The following CBLB variants were observed in gnomAD, a reference collection of about 807,000 sequenced individuals.
The protein encoded by CBLB is E3 ubiquitin-protein ligase CBL-B.
In CBLB, 31 loss-of-function variants were observed where a neutral mutation model predicts 104.9. That is an observed-to-expected ratio of 0.30 (90% CI 0.22 to 0.40). The LOEUF (loss-of-function observed/expected upper bound fraction) is 0.40. Ranked by LOEUF, CBLB falls within the 10% of genes least tolerant of loss-of-function variation. CBLB has a pLI of 1.00. For synonymous variants in CBLB, 440 were observed against 422.6 expected (o/e 1.04, Z -0.51); for missense variants, 1,062 against 1,214.6 (o/e 0.87, Z 1.87).
intron 9 of CBLB, among the ~76,000 whole-genome samples, chr3:105,726,866 T>G (rs1374938319): frequency 6.6e-6 from 1 of 152,238 alleles, no homozygotes; most frequent in Non-Finnish European, 1.5e-5. Flanking sequence ...ACCATGTCCC[T>G]GCAAAGGACA....
At chr3:105,811,649 TTCCCTA>T (rs1449521796) in intron 3 of CBLB, among the ~76,000 whole-genome samples, 5 of 152,122 alleles carry the variant, frequency 3.3e-5, no homozygotes, top group African/African-American at 1.2e-4. Flanking sequence ...ACAGACAGAT[TTCCCTA>T]GATAAACCCC....
At chr3:105,801,466 T>C (rs2082858248) in intron 3 of CBLB, among the ~76,000 whole-genome samples, 1 of 152,258 alleles carries the variant, frequency 6.6e-6, no homozygotes, top group Non-Finnish European at 1.5e-5. Context: ...AACAAATGGC[T>C]AGTCAAATTA....
At chr3:105,745,787 G>C in intron 6 of CBLB, 130 bp downstream of exon 6, 1 of 764,184 alleles carries the variant, frequency 1.3e-6, no homozygotes. Context: ...GCACCATTTT[G>C]GTCTTTTACC....
intron 3 of CBLB, among the ~76,000 whole-genome samples, chr3:105,791,775 T>C (rs1300946891): frequency 2.0e-5 from 3 of 152,382 alleles, no homozygotes; most frequent in African/African-American, 2.4e-5. Flanking sequence ...TGGGGATATC[T>C]GTAAATAGCA....
intron 10 of CBLB, among the ~76,000 whole-genome samples, chr3:105,710,651 A>G (rs1006012434): frequency 6.6e-6 from 1 of 151,934 alleles, no homozygotes; most frequent in Non-Finnish European, 1.5e-5. Context: ...TCACACCAGT[A>G]TATTTGTCTA....
intron 10 of CBLB, among the ~76,000 whole-genome samples, chr3:105,718,654 C>T (rs1391587503): frequency 6.6e-6 from 1 of 152,162 alleles, no homozygotes; most frequent in Admixed American, 6.6e-5. Context: ...CTGCCAAATC[C>T]TAATGAACTA....
At chr3:105,744,931 A>C (rs1392196849) in intron 6 of CBLB, among the ~76,000 whole-genome samples, 7 of 152,214 alleles carry the variant, frequency 4.6e-5, no homozygotes, top group Admixed American at 2.6e-4. Flanking sequence ...TCCATCTCAA[A>C]AACAAAGCAA....
Position 105,655,885 on chromosome 3 carries a change from T to TA in CBLB, c.*3084dup, listed in dbSNP as rs2063308029. Reference sequence around the variant, plus strand: ...GGAAATGCTTCTGGAACTGAAAAATTAAAAAATCACATTATGAAGAAATCT... The same window carrying TA: ...GGAAATGCTTCTGGAACTGAAAAATTAAAAAAATCACATTATGAAGAAATCT... On this transcript the variant is annotated 3_prime_UTR_variant, in exon 19 of 19. Coordinates refer to ENST00000394030, the MANE Select transcript of CBLB (RefSeq NM_170662.5). The TA allele has an allele frequency of 9.0e-6, 2 of 223,302 alleles. No individual in the cohort carries two copies. Among genetic ancestry groups the TA allele is most frequent in the Non-Finnish European group, 1.8e-5 (2 of 111,808 alleles). 13.8% of individuals were successfully genotyped at this position (223,302 alleles called of 1,614,324 possible). A position where few individuals can be genotyped will look rare whatever the true frequency, so the allele number is the denominator to read the frequency against.
At chr3:105,831,339 T>C (rs1453249997) in intron 3 of CBLB, among the ~76,000 whole-genome samples, 1 of 152,220 alleles carries the variant, frequency 6.6e-6, no homozygotes, top group African/African-American at 2.4e-5. Flanking sequence ...GCTTGGGGAA[T>C]AGCTCAAATA....
At chr3:105,869,355 G>A (rs1560613576), upstream of CBLB, 1 of 1,340,240 alleles carries the variant, frequency 7.5e-7, no homozygotes, top group Non-Finnish European at 9.9e-7. Flanking sequence ...GGTGGCAGGT[G>A]GGCGTGAGCG....
At chr3:105,780,015 G>A (rs1221213655) in intron 3 of CBLB, among the ~76,000 whole-genome samples, 3 of 151,742 alleles carry the variant, frequency 2.0e-5, no homozygotes, top group Non-Finnish European at 2.9e-5. Flanking sequence ...CACCATGCCC[G>A]TCTAACTTTG....
intron 3 of CBLB, among the ~76,000 whole-genome samples, chr3:105,807,611 T>G (rs1465795666): frequency 1.3e-5 from 2 of 152,078 alleles, no homozygotes; most frequent in Admixed American, 1.3e-4. Context: ...TTATATACAT[T>G]TTATAATTAT....
chr3:105,834,016 TA>T (rs1436532354), intron 3 of CBLB, among the ~76,000 whole-genome samples: 3 of 151,712 alleles, frequency 2.0e-5, no homozygotes, highest in Non-Finnish European at 1.5e-5. Context: ...ACTATTAATA[TA>T]TTTTTTAACT....
chr3:105,669,065 AATCCATCCATCC>A (rs140483751), intron 18 of CBLB, among the ~76,000 whole-genome samples: 6 of 149,842 alleles, frequency 4.0e-5, no homozygotes, highest in African/African-American at 4.9e-5. Context: ...TGTCCACTCA[AATCCATCCATCC>A]ATCCATCCAT....
chr3:105,804,055 C>T (rs1002828988), intron 3 of CBLB, among the ~76,000 whole-genome samples: 1 of 152,164 alleles, frequency 6.6e-6, no homozygotes. Context: ...CTAGCTTCAA[C>T]ATTTTTAATA....
At chr3:105,702,582 C>G in intron 11 of CBLB, 123 bp from the exon 12 acceptor site, 1 of 1,018,796 alleles carries the variant, frequency 9.8e-7, no homozygotes. Flanking sequence ...AGGAGTTTTA[C>G]TAGATTCCTG....
intron 18 of CBLB, among the ~76,000 whole-genome samples, chr3:105,668,306 A>T (rs1222984990): frequency 6.6e-6 from 1 of 152,160 alleles, no homozygotes; most frequent in Non-Finnish European, 1.5e-5. Flanking sequence ...TACTGCTTGA[A>T]ATCATATATG....
At chr3:105,803,659 G>A (rs1025600351) in intron 3 of CBLB, among the ~76,000 whole-genome samples, 1 of 152,226 alleles carries the variant, frequency 6.6e-6, no homozygotes, top group Admixed American at 6.5e-5. Flanking sequence ...AACTGGGGGT[G>A]GGAGTAAGGA....
intron 18 of CBLB, among the ~76,000 whole-genome samples, chr3:105,660,132 G>T (rs757192561): frequency 1.3e-5 from 2 of 152,116 alleles, no homozygotes; most frequent in Non-Finnish European, 2.9e-5. Context: ...GTATTTCCTG[G>T]TTATGTATAG....
Sources: allele counts gnomAD v4.1 joint callset (sites outside exome capture counted in the v4.1 genomes callset), GRCh38; gene constraint gnomAD v4.1.1; transcripts MANE v1.5; gene names NCBI Gene and HGNC (gene_info 2026-07-23, HGNC 2026-07-21).